The following TGFBR3 variants were observed in gnomAD, a reference collection of about 807,000 sequenced individuals.
TGFBR3 encodes the protein transforming growth factor beta receptor type 3.
Under a neutral mutation model 87.9 loss-of-function variants are expected in TGFBR3, and 46 were observed. The ratio of observed to expected loss-of-function variants is 0.52; its 90% confidence interval spans 0.41 to 0.67. TGFBR3 has a LOEUF of 0.67. Ranked by LOEUF, TGFBR3 falls within the 30% of genes least tolerant of loss-of-function variation. The pLI, the probability that TGFBR3 is intolerant of heterozygous loss-of-function variation, is 0.00. For missense variants in TGFBR3, 866 were observed against 1,041.9 expected, an observed-to-expected ratio of 0.83 and a Z score of 2.32; for synonymous variants, 381 against 391.6, an observed-to-expected ratio of 0.97 and a Z score of 0.32.
chr1:91,716,561 C>G lies in TGFBR3; in HGVS notation c.1707+7G>C, dbSNP rs768413919. ...CCACAAACCCCCTACTGATAACAAA[C>G]ACATACCACCACGATTTCAGGTCGG... On this transcript the variant is annotated splice_region_variant and intron_variant, in intron 11 of 16. Transcript: ENST00000212355. 13 of 1,613,926 alleles carry G rather than the reference C, an allele frequency of 8.1e-6. No individual in the cohort carries two copies. In the South Asian group the frequency reaches 1.3e-4, roughly 16 times the overall value.
chr1:91,850,036 G>A (rs1482678134), intron 2 of TGFBR3, among the ~76,000 whole-genome samples: 2 of 138,312 alleles, frequency 1.4e-5, no homozygotes, highest in Non-Finnish European at 3.0e-5. Flanking sequence ...AGCTGAGATC[G>A]CGTCACTGCA....
chr1:91,835,447 T>A (rs1677022655), intron 2 of TGFBR3, among the ~76,000 whole-genome samples: 1 of 152,142 alleles, frequency 6.6e-6, no homozygotes, highest in African/African-American at 2.4e-5. Flanking sequence ...TAAATTCAAG[T>A]AAAGGTTGGG....
chr1:91,905,457 G>A (rs1679825589), intron 1 of TGFBR3, among the ~76,000 whole-genome samples: 1 of 152,114 alleles, frequency 6.6e-6, no homozygotes, highest in Admixed American at 6.6e-5. Flanking sequence ...TTTGAGGTAA[G>A]AGTCTCACTC....
Position 91,683,409 on chromosome 1 carries a change from C to A in TGFBR3, c.*330G>T. ...CAGGGCCCCAAATTATGGATGTTCT[C>A]ACCTGGACAAAGCAGCATTTTAAAA... On this transcript the variant is annotated 3_prime_UTR_variant, in exon 17 of 17. Coordinates refer to ENST00000212355, the MANE Select transcript of TGFBR3 (RefSeq NM_003243.5). The A allele has an allele frequency of 3.7e-6, 2 of 544,782 alleles. No homozygotes were observed. The highest frequency in any genetic ancestry group is 3.1e-5 in the South Asian group (2 of 65,270). 33.7% of individuals were successfully genotyped at this position (544,782 alleles called of 1,614,324 possible). A position where few individuals can be genotyped will look rare whatever the true frequency, so the allele number is the denominator to read the frequency against.
intron 1 of TGFBR3, among the ~76,000 whole-genome samples, chr1:91,875,969 C>T (rs931963427): frequency 2.0e-5 from 3 of 149,568 alleles, no homozygotes; most frequent in African/African-American, 4.9e-5. Flanking sequence ...AAGAGACATC[C>T]GGAACATAAG....
chr1:91,772,521 T>C (rs187962488), intron 3 of TGFBR3, among the ~76,000 whole-genome samples: 2 of 152,256 alleles, frequency 1.3e-5, no homozygotes, highest in Non-Finnish European at 2.9e-5. Flanking sequence ...GAGTTTGGGG[T>C]ATAACCATAA....
At chr1:91,714,929 C>T (rs1231307247) in intron 12 of TGFBR3, among the ~76,000 whole-genome samples, 3 of 152,236 alleles carry the variant, frequency 2.0e-5, no homozygotes, top group African/African-American at 7.2e-5. Flanking sequence ...AGGAAAACAA[C>T]ATCTAGCGCC....
At chr1:91,881,507 C>T (rs1679072334) in intron 1 of TGFBR3, among the ~76,000 whole-genome samples, 3 of 152,184 alleles carry the variant, frequency 2.0e-5, no homozygotes, top group African/African-American at 4.8e-5. Flanking sequence ...ATTTGCCAAG[C>T]TCCAAGACCA....
chr1:91,691,746 G>A (rs1178160609), intron 16 of TGFBR3, among the ~76,000 whole-genome samples: 1 of 152,228 alleles, frequency 6.6e-6, no homozygotes, highest in Non-Finnish European at 1.5e-5. Context: ...AACCGGTTCA[G>A]ACAGGAGCAG....
At chr1:91,714,996 A>G (rs1323152963) in intron 12 of TGFBR3, among the ~76,000 whole-genome samples, 2 of 152,242 alleles carry the variant, frequency 1.3e-5, no homozygotes, top group Non-Finnish European at 1.5e-5. Flanking sequence ...TTTCCAAAAC[A>G]GAAACACGTG....
chr1:91,716,373 C>A lies in TGFBR3; in HGVS notation c.1729G>T (p.Val577Leu). ...IVVFNCSLQQVRNPSSFQEQP... is the reference protein window; with the variant it reads ...IVVFNCSLQQLRNPSSFQEQP... ...TCCTGGAAGCTGCTGGGGTTCCTCA[C>A]CTGCTGAAGGCTGCAATTAAACTGG... Residue 577 changes from valine to leucine, a missense_variant, in exon 12 of 17, where the codon GTG becomes TTG. Coordinates refer to ENST00000212355, the MANE Select transcript of TGFBR3 (RefSeq NM_003243.5). The A allele has an allele frequency of 1.2e-6, 2 of 1,614,108 alleles. No individual in the cohort carries two copies. Among genetic ancestry groups the A allele is most frequent in the Non-Finnish European group, 1.7e-6 (2 of 1,180,008 alleles).
chr1:91,701,337 G>A lies in TGFBR3; in HGVS notation c.2288-3207C>T, dbSNP rs191530862. Among the ~76,000 whole-genome samples, 206 of 152,132 alleles carry A rather than the reference G, an allele frequency of 1.4e-3. 1 individual carries two copies. The highest frequency in any genetic ancestry group is 8.8e-4 in the Non-Finnish European group (60 of 68,008). ...AACTTTTCTCTTCCCGAATCCCTAA[G>A]AACCCCTGAGTATAACTAAAATGGC... On this transcript the variant is annotated intron_variant, in intron 14 of 16. Transcript: ENST00000212355.
Position 91,683,495 on chromosome 1 carries a change from C to T in TGFBR3, c.*244G>A. 2 of 682,432 alleles carry T rather than the reference C, an allele frequency of 2.9e-6. No homozygotes were observed. The highest frequency in any genetic ancestry group is 2.8e-5 in the East Asian group (1 of 35,582). 42.3% of individuals were successfully genotyped at this position (682,432 alleles called of 1,614,324 possible). A position where few individuals can be genotyped will look rare whatever the true frequency, so the allele number is the denominator to read the frequency against. ...TGTGAGGGGCTGGTGGAGAAGACCA[C>T]CATTTTAGCTTTCTCACATGAATTC... On this transcript the variant is annotated 3_prime_UTR_variant, in exon 17 of 17. Coordinates refer to ENST00000212355, the MANE Select transcript of TGFBR3 (RefSeq NM_003243.5).
rs144104234 is a variant in TGFBR3, at chr1:91,722,084, T to C, written c.946A>G (p.Ile316Val). 124 of 1,613,970 alleles carry C rather than the reference T, an allele frequency of 7.7e-5. No homozygotes were observed. The highest frequency in any genetic ancestry group is 9.7e-5 in the Non-Finnish European group (114 of 1,179,934). ...TGGGTTGAAGGAATGTCATCTCTTATTGATTTGGTCATTGTCATAGATCTT... is the reference window on the plus strand; with the variant it reads ...TGGGTTGAAGGAATGTCATCTCTTACTGATTTGGTCATTGTCATAGATCTT... ...SERSMTMTKSIRDDIPSTQGN... is the reference protein window; with the variant it reads ...SERSMTMTKSVRDDIPSTQGN... The change falls in exon 8 of 17, where the codon ATA (isoleucine) becomes GTA (valine). Residue 316 changes from isoleucine to valine, a missense_variant. Ile to Val is a conservative substitution (Grantham distance 29). Coordinates refer to ENST00000212355, the MANE Select transcript of TGFBR3 (RefSeq NM_003243.5).
chr1:91,814,104 CT>C (rs1304240493), intron 2 of TGFBR3, among the ~76,000 whole-genome samples: 1 of 152,202 alleles, frequency 6.6e-6, no homozygotes, highest in Non-Finnish European at 1.5e-5. Flanking sequence ...CCATTTGCAG[CT>C]TTCTAAAATC....
upstream of TGFBR3, among the ~76,000 whole-genome samples, chr1:91,889,706 C>T (rs1394580054): frequency 1.3e-5 from 2 of 151,988 alleles, no homozygotes; most frequent in Non-Finnish European, 2.9e-5. Flanking sequence ...CGGAGTTTCC[C>T]TCTTGTTGCC....
At chr1:91,775,770 G>C (rs1002246192) in intron 3 of TGFBR3, among the ~76,000 whole-genome samples, 2 of 152,200 alleles carry the variant, frequency 1.3e-5, no homozygotes, top group African/African-American at 4.8e-5. Context: ...ATGCATCCCA[G>C]AGTTCACCTG....
intron 4 of TGFBR3, among the ~76,000 whole-genome samples, chr1:91,742,374 G>A (rs1446283797): frequency 6.6e-6 from 1 of 152,202 alleles, no homozygotes; most frequent in Non-Finnish European, 1.5e-5. Flanking sequence ...CCCAATAATT[G>A]CTTGTTGAAT....
chr1:91,858,081 T>G lies in TGFBR3; in HGVS notation c.61+3390A>C, dbSNP rs552188127. On this transcript the variant is annotated intron_variant, in intron 2 of 16. Coordinates refer to ENST00000212355, the MANE Select transcript of TGFBR3 (RefSeq NM_003243.5). ...TATTTGACCTCTCTGTGCTTCCATT[T>G]CCTCACTTATAAACTATGGATTATT... Among the ~76,000 whole-genome samples the G allele has an allele frequency of 8.7e-4, 132 of 152,334 alleles. 1 individual carries two copies. The highest frequency in any genetic ancestry group is 2.4e-3 in the African/African-American group (98 of 41,576).
Sources: gnomAD v4.1 joint callset for allele counts (sites outside exome capture counted in the v4.1 genomes callset) on GRCh38, gnomAD v4.1.1 for gene constraint, MANE v1.5 for transcripts, NCBI Gene and HGNC (gene_info 2026-07-23, HGNC 2026-07-21) for gene names.